NEK3: variants seen among roughly 807,000 people sequenced by gnomAD.
NEK3 encodes NIMA related kinase 3.
NEK3 carries 54 observed loss-of-function variants against 66.0 expected under a neutral mutation model. That is an observed-to-expected ratio of 0.82 (90% CI 0.66 to 1.03). The LOEUF is 1.03. NEK3 is among the 50% of genes least tolerant of loss of function. The pLI, the probability that NEK3 is intolerant of heterozygous loss-of-function variation, is 0.00. For missense variants in NEK3, 593 were observed against 603.0 expected, an observed-to-expected ratio of 0.98 and a Z score of 0.17; for synonymous variants, 200 against 206.2, an observed-to-expected ratio of 0.97 and a Z score of 0.26.
At chr13:52,135,993 T>C (rs1956202152) in intron 13 of NEK3, 123 bp downstream of exon 13, 1 of 1,490,086 alleles carries the variant, frequency 6.7e-7, no homozygotes, top group African/African-American at 1.4e-5. Context: ...TTCACCTGTA[T>C]GAGCAATGCT....
In NEK3 at chr13:52,151,194, T is replaced by G. The variant is rs1327818663; in HGVS notation, c.500A>C (p.Tyr167Ser). The change falls in exon 7 of 16, where the codon TAT (tyrosine) becomes TCT (serine). Residue 167 changes from tyrosine (Y) to serine (S), a missense_variant. Physicochemically the swap from Tyr to Ser is moderately radical, Grantham distance 144 (BLOSUM62 -2). Transcript: ENST00000610828. ...AFACTYVGTP[Y>S]YVPPEIWENL... is the part of the protein sequence containing the mutation. ...TTCCCAAATTTCTGGAGGCACATAATAAGGAGTTCCCACATAGGTACAAGC... is the reference window on the plus strand; with the variant it reads ...TTCCCAAATTTCTGGAGGCACATAAGAAGGAGTTCCCACATAGGTACAAGC... The G allele has an allele frequency of 1.2e-6, 2 of 1,610,816 alleles. No homozygotes were observed. Among genetic ancestry groups the G allele is most frequent in the Non-Finnish European group, 1.7e-6 (2 of 1,178,606 alleles).
intron 5 of NEK3, 44 bp downstream of exon 5, chr13:52,152,565 T>A: frequency 7.7e-7 from 1 of 1,306,410 alleles, no homozygotes; most frequent in South Asian, 1.3e-5. Flanking sequence ...AATGACTGAA[T>A]TAAGGACTTT....
At chr13:52,144,275 A>G (rs1359511885) in intron 9 of NEK3, among the ~76,000 whole-genome samples, 2 of 152,102 alleles carry the variant, frequency 1.3e-5, no homozygotes, top group East Asian at 3.9e-4. Context: ...AAGTAGCTGG[A>G]CGTGGTGGCG....
intron 11 of NEK3, among the ~76,000 whole-genome samples, chr13:52,138,970 G>A (rs78998063): frequency 6.6e-6 from 1 of 151,976 alleles, no homozygotes; most frequent in African/African-American, 2.4e-5. Context: ...CTGAAATACT[G>A]AAAAAAACAT....
At chr13:52,155,929 A>T (rs1956391624) in intron 2 of NEK3, 146 bp downstream of exon 2, 1 of 455,892 alleles carries the variant, frequency 2.2e-6, no homozygotes, top group Non-Finnish European at 4.0e-6. Flanking sequence ...GCCGGTCTCA[A>T]ACTCCTGACC....
chr13:52,151,225 C>T lies in NEK3; in HGVS notation c.469G>A (p.Ala157Thr). The change falls in exon 7 of 16, where the codon GCA (alanine) becomes ACA (threonine). Residue 157 changes from alanine (A) to threonine (T), a missense_variant. Physicochemically the swap from Ala to Thr is moderately conservative, Grantham distance 58. Transcript: ENST00000610828. ...GTTCCCACATAGGTACAAGCAAATG[C>T]CATCGGACTAAAACCATAAAAAGGC... ...GSARLLSNPM[A>T]FACTYVGTPY... 2 of 1,608,036 alleles carry T rather than the reference C, an allele frequency of 1.2e-6. No individual in the cohort carries two copies. Among genetic ancestry groups the T allele is most frequent in the Non-Finnish European group, 8.5e-7 (1 of 1,177,228 alleles).
chr13:52,153,829 T>C (rs1956367323), intron 4 of NEK3, 66 bp downstream of exon 4: 2 of 1,043,576 alleles, frequency 1.9e-6, no homozygotes, highest in Admixed American at 3.9e-5. Flanking sequence ...TATTTTAACT[T>C]ATATAAAGTT....
In NEK3 at chr13:52,153,942, T is replaced by C; in HGVS notation, c.262A>G (p.Met88Val). 4 of 1,613,022 alleles carry C rather than the reference T, an allele frequency of 2.5e-6. No homozygotes were observed. The highest frequency in any genetic ancestry group is 3.4e-6 in the Non-Finnish European group (4 of 1,179,254). ...VMEYCDGGDLMQKIKQQKGKL... is the reference protein window; with the variant it reads ...VMEYCDGGDLVQKIKQQKGKL... ...CCTTTCTGCTGTTTAATCTTTTGCA[T>C]TAGATCCCCTCCATCACAGTATTCC... The change falls in exon 4 of 16, where the codon ATG (methionine) becomes GTG (valine). Residue 88 changes from methionine (M) to valine (V), a missense_variant. By Grantham distance (21) the Met-to-Val change is conservative (BLOSUM62 1). Coordinates refer to ENST00000610828, the MANE Select transcript of NEK3 (RefSeq NM_002498.3).
At chr13:52,151,488 G>T in intron 5 of NEK3, 96 bp from the exon 6 acceptor site, 1 of 1,088,954 alleles carries the variant, frequency 9.2e-7, no homozygotes, top group African/African-American at 1.6e-5. Flanking sequence ...GGAGATTAAG[G>T]CTAGAAATGC....
Position 52,133,015 on chromosome 13 carries a change from T to A in NEK3, c.*127A>T, listed in dbSNP as rs1956166418. Reference sequence around the variant, plus strand: ...ACTAATCAAGAACGATTTTAAGTATTAAGAGTTTCCTCTGCTTCATTCTGT... The same window carrying A: ...ACTAATCAAGAACGATTTTAAGTATAAAGAGTTTCCTCTGCTTCATTCTGT... On this transcript the variant is annotated 3_prime_UTR_variant, in exon 16 of 16. Coordinates refer to ENST00000610828, the MANE Select transcript of NEK3 (RefSeq NM_002498.3). 1.3e-6 allele frequency: 1 copy of A among 753,582 alleles called. No individual in the cohort carries two copies. The highest frequency in any genetic ancestry group is 1.7e-5 in the South Asian group (1 of 57,950). The allele number at this position is 753,582 out of a possible 1,614,324, so 46.7% of individuals were successfully genotyped here. A position where few individuals can be genotyped will look rare whatever the true frequency, so the allele number is the denominator to read the frequency against.
rs767430056 is a variant in NEK3, at chr13:52,144,826, C to T, written c.669G>A (p.Pro223=). The T allele has an allele frequency of 1.7e-5, 28 of 1,612,992 alleles. No individual in the cohort carries two copies. Among genetic ancestry groups the T allele is most frequent in the Middle Eastern group, 1.6e-4 (1 of 6,082 alleles). The change falls in exon 9 of 16, where the codon CCG becomes CCA. Residue 223 remains proline (P), a synonymous_variant. Coordinates refer to ENST00000610828, the MANE Select transcript of NEK3 (RefSeq NM_002498.3). ...ACTGAAGTTCATAGGAGTAATGAGA[C>T]GGCAGTGGACTGATGCACCCTTGAC... The part of the protein sequence containing the change: ...KVCQGCISPL[P]SHYSYELQFL...
intron 1 of NEK3, among the ~76,000 whole-genome samples, chr13:52,158,921 C>T (rs1049446536): frequency 6.6e-6 from 1 of 152,186 alleles, no homozygotes; most frequent in South Asian, 2.1e-4. Flanking sequence ...AGCACAGAGG[C>T]TAGGATAACT....
intron 11 of NEK3, among the ~76,000 whole-genome samples, chr13:52,138,472 GA>G (rs527298551): frequency 4.1e-4 from 63 of 152,068 alleles, no homozygotes; most frequent in African/African-American, 1.3e-3. Flanking sequence ...ACAATGAAAA[GA>G]AAAAAAGTAT....
chr13:52,153,595 C>T (rs572960451), intron 4 of NEK3, among the ~76,000 whole-genome samples: 2 of 151,940 alleles, frequency 1.3e-5, no homozygotes, highest in East Asian at 1.9e-4. Flanking sequence ...AATTTCAGTA[C>T]GATAAAAACC....
Position 52,154,127 on chromosome 13 carries a change from G to A in NEK3, c.164C>T (p.Ala55Val), listed in dbSNP as rs1054780715. Residue 55 changes from alanine to valine, a missense_variant, in exon 3 of 16, where the codon GCC becomes GTC. Coordinates refer to ENST00000610828, the MANE Select transcript of NEK3 (RefSeq NM_002498.3). The stretch of plus-strand genomic sequence containing the variant: ...AACAATATTAGGGTGTTTCATTTTG[G>A]CTAAAAGAACAGCCTCCTTCCTAGA... ...QNSRKEAVLL[A>V]KMKHPNIVAF... The A allele has an allele frequency of 5.6e-6, 9 of 1,611,460 alleles. No homozygotes were observed. Among genetic ancestry groups the A allele is most frequent in the African/African-American group, 5.3e-5 (4 of 74,844 alleles).
At chr13:52,136,327 A>G (rs1594021116) in intron 12 of NEK3, 68 bp from the exon 13 acceptor site, 1 of 1,455,828 alleles carries the variant, frequency 6.9e-7, no homozygotes, top group African/African-American at 1.4e-5. Context: ...GTCCACACAT[A>G]GACTCTAACA....
intron 1 of NEK3, 159 bp downstream of exon 1, chr13:52,159,384 G>C (rs992151961): frequency 2.0e-5 from 3 of 152,376 alleles, no homozygotes; most frequent in Non-Finnish European, 4.4e-5. Context: ...CGAGGGACTT[G>C]CGGGTTTGCG....
In NEK3 at chr13:52,154,168, G is replaced by C; in HGVS notation, c.123C>G (p.Phe41Leu). Residue 41 changes from phenylalanine (F) to leucine (L), a missense_variant, in exon 3 of 16, where the codon TTC becomes TTG. Coordinates refer to ENST00000610828, the MANE Select transcript of NEK3 (RefSeq NM_002498.3). The part of the protein sequence containing the change: ...AMKEIRLPKS[F>L]SNTQNSRKEA... The stretch of plus-strand genomic sequence containing the variant: ...CCTTCCTAGAATTCTGTGTATTAGA[G>C]AAAGACTAGAAAAACATTTTAAATA... 1 of 1,585,664 alleles carries C rather than the reference G, an allele frequency of 6.3e-7. No individual in the cohort carries two copies. Among genetic ancestry groups the C allele is most frequent in the Non-Finnish European group, 8.6e-7 (1 of 1,160,694 alleles).
At chr13:52,133,647 C>CA (rs755551629) in intron 15 of NEK3, 42 bp downstream of exon 15, 100 of 1,070,780 alleles carry the variant, frequency 9.3e-5, no homozygotes, top group African/African-American at 5.7e-4. Flanking sequence ...ACACACACAC[C>CA]CCCAACCCCA....
Sources: allele counts gnomAD v4.1 joint callset (sites outside exome capture counted in the v4.1 genomes callset), GRCh38; gene constraint gnomAD v4.1.1; transcripts MANE v1.5; gene names NCBI Gene and HGNC (gene_info 2026-07-23, HGNC 2026-07-21).